Variants in PDCL2 observed in about 807,000 individuals in gnomAD.
PDCL2 encodes the protein phosducin like 2.
Under a neutral mutation model 30.3 loss-of-function variants are expected in PDCL2, and 23 were observed. The observed-to-expected ratio is 0.76, with a 90% CI of 0.55 to 1.08. The LOEUF (loss-of-function observed/expected upper bound fraction) is 1.08, where lower values mean the gene tolerates loss of function less well. Among genes scored for constraint, PDCL2 ranks in the 50% least tolerant of loss-of-function variants. The pLI is 0.00. For missense variants in PDCL2, 243 were observed against 282.3 expected (o/e 0.86, Z 1.00); for synonymous variants, 68 against 86.2 (o/e 0.79, Z 1.17).
At chr4:55,558,730 C>T (rs961399068) in intron 5 of PDCL2, among the ~76,000 whole-genome samples, 9 of 152,110 alleles carry the variant, frequency 5.9e-5, no homozygotes, top group East Asian at 1.9e-4. Context: ...AAAGAAAGCA[C>T]GAAACATGCA....
chr4:55,587,755 CATGTTGGCCAGGTTGGT>C (rs1160693330), intron 1 of PDCL2, among the ~76,000 whole-genome samples: 1 of 151,956 alleles, frequency 6.6e-6, no homozygotes. Flanking sequence ...TGGGTTTCAC[CATGTTGGCCAGGTTGGT>C]CTCAAACTCC....
At chr4:55,587,614 A>G (rs1304712261) in intron 1 of PDCL2, among the ~76,000 whole-genome samples, 2 of 150,614 alleles carry the variant, frequency 1.3e-5, no homozygotes, top group Non-Finnish European at 2.9e-5. Context: ...GATGGAGTGC[A>G]GTGGAGCAAT....
intron 1 of PDCL2, among the ~76,000 whole-genome samples, 185 bp downstream of exon 1, chr4:55,591,919 T>C (rs1339477455): frequency 6.6e-6 from 1 of 152,176 alleles, no homozygotes; most frequent in Non-Finnish European, 1.5e-5. Context: ...GCTGAAAAAA[T>C]GGCGTTCTCC....
chr4:55,579,954 T>G (rs559135331), intron 3 of PDCL2, among the ~76,000 whole-genome samples: 1 of 152,090 alleles, frequency 6.6e-6, no homozygotes, highest in Non-Finnish European at 1.5e-5. Flanking sequence ...TTCAAGCGAT[T>G]CTCCTGCCTC....
intron 1 of PDCL2, among the ~76,000 whole-genome samples, chr4:55,590,695 A>T (rs1022007258): frequency 2.0e-5 from 3 of 151,112 alleles, no homozygotes; most frequent in East Asian, 2.0e-4. Flanking sequence ...GGGTTTTGCC[A>T]TGTAGGCCAG....
chr4:55,586,993 T>C (rs757549992), intron 1 of PDCL2, among the ~76,000 whole-genome samples: 36 of 144,502 alleles, frequency 2.5e-4, no homozygotes, highest in Non-Finnish European at 4.6e-4. Context: ...AAGTTTGTCT[T>C]AGTCCAGTTT....
At chr4:55,565,574 A>G (rs1303548975) in intron 4 of PDCL2, among the ~76,000 whole-genome samples, 1 of 152,140 alleles carries the variant, frequency 6.6e-6, no homozygotes, top group Non-Finnish European at 1.5e-5. Flanking sequence ...CCATGATTAA[A>G]TTACCTCCCG....
chr4:55,591,716 T>C (rs1181704426), intron 1 of PDCL2, among the ~76,000 whole-genome samples: 1 of 152,192 alleles, frequency 6.6e-6, no homozygotes, highest in Non-Finnish European at 1.5e-5. Context: ...CATATGTGAC[T>C]AGTAGGTTTT....
At chr4:55,562,923 A>AC (rs550892539) in intron 4 of PDCL2, among the ~76,000 whole-genome samples, 10 of 127,546 alleles carry the variant, frequency 7.8e-5, no homozygotes, top group Admixed American at 6.6e-4. Context: ...AAAAAAAAAA[A>AC]AAAAACAGGA....
chr4:55,582,369 A>G lies in PDCL2; in HGVS notation c.7-132T>C, dbSNP rs986486191. On this transcript the variant is annotated intron_variant, in intron 1 of 5. Coordinates refer to ENST00000295645, the MANE Select transcript of PDCL2 (RefSeq NM_152401.3). ...CTCTACAGTTAATTGGTTTTGAAGAATAAAGCAAAGTGACCTACTTTTTCC... is the reference window on the plus strand; with the variant it reads ...CTCTACAGTTAATTGGTTTTGAAGAGTAAAGCAAAGTGACCTACTTTTTCC... The G allele has an allele frequency of 1.3e-5, 14 of 1,071,054 alleles. No homozygotes were observed. The African/African-American group carries it at 1.9e-4, about 15-fold the overall frequency. The allele number at this position is 1,071,054 out of a possible 1,614,324, so 66.3% of individuals were successfully genotyped here.
At chr4:55,566,862 C>G (rs963356322) in intron 4 of PDCL2, among the ~76,000 whole-genome samples, 17 of 152,034 alleles carry the variant, frequency 1.1e-4, no homozygotes, top group African/African-American at 4.1e-4. Flanking sequence ...TCAAAGCATA[C>G]AACAATTTGA....
At position 55,562,396 on chromosome 4, in the gene PDCL2, A is replaced by T; in HGVS notation, c.571+8T>A. On this transcript the variant is annotated splice_region_variant and intron_variant, in intron 5 of 5. Transcript: ENST00000295645. ...TATCATTTTTATAAACAAAATTTGT[A>T]ACATTACCTTCCAGCTTGAGATTTA... The T allele has an allele frequency of 7.2e-7, 1 of 1,386,354 alleles. No individual in the cohort carries two copies. Among genetic ancestry groups the T allele is most frequent in the South Asian group, 1.9e-5 (1 of 52,488 alleles). The allele number at this position is 1,386,354 out of a possible 1,614,324, so 85.9% of individuals were successfully genotyped here. A position where few individuals can be genotyped will look rare whatever the true frequency, so the allele number is the denominator to read the frequency against.
rs965675055 is a variant in PDCL2, at chr4:55,590,572, C to T, written c.6+1532G>A. Among the ~76,000 whole-genome samples the T allele has an allele frequency of 9.2e-5, 14 of 151,978 alleles. No homozygotes were observed. In the East Asian group the frequency reaches 1.4e-3, roughly 15 times the overall value. Reference sequence around the variant, plus strand: ...TGCACTCTCAGCTCACTGCATCCTCCGCCTCCTGGGTTCAAGCGATTCTCC... The same window carrying T: ...TGCACTCTCAGCTCACTGCATCCTCTGCCTCCTGGGTTCAAGCGATTCTCC... On this transcript the variant is annotated intron_variant, in intron 1 of 5. Coordinates refer to ENST00000295645, the MANE Select transcript of PDCL2 (RefSeq NM_152401.3).
At chr4:55,568,469 G>C (rs920825236) in intron 4 of PDCL2, among the ~76,000 whole-genome samples, 1 of 152,152 alleles carries the variant, frequency 6.6e-6, no homozygotes, top group Admixed American at 6.6e-5. Flanking sequence ...CATAATTCTT[G>C]ATTGACTCCT....
At chr4:55,578,158 T>C (rs1186166863) in intron 3 of PDCL2, among the ~76,000 whole-genome samples, 1 of 152,228 alleles carries the variant, frequency 6.6e-6, no homozygotes. Flanking sequence ...AAAAAGGTTA[T>C]AGCTCTTTTA....
intron 3 of PDCL2, among the ~76,000 whole-genome samples, chr4:55,577,776 C>T (rs994459769): frequency 1.3e-5 from 2 of 152,064 alleles, no homozygotes; most frequent in East Asian, 1.9e-4. Flanking sequence ...TTTAAGCATC[C>T]GTAAGATAGT....
intron 3 of PDCL2, among the ~76,000 whole-genome samples, chr4:55,572,969 A>G (rs920658428): frequency 2.6e-5 from 4 of 152,142 alleles, no homozygotes; most frequent in Non-Finnish European, 5.9e-5. Context: ...CGTGTTAGCC[A>G]GGATGGTCTC....
intron 3 of PDCL2, among the ~76,000 whole-genome samples, chr4:55,577,776 C>G (rs994459769): frequency 1.3e-5 from 2 of 152,064 alleles, no homozygotes; most frequent in African/African-American, 4.8e-5. Flanking sequence ...TTTAAGCATC[C>G]GTAAGATAGT....
intron 2 of PDCL2, among the ~76,000 whole-genome samples, chr4:55,581,310 A>C (rs996932032): frequency 6.6e-6 from 1 of 152,078 alleles, no homozygotes; most frequent in African/African-American, 2.4e-5. Flanking sequence ...AACAAACAAA[A>C]AAGAGTATCT....
Sources: gnomAD v4.1 joint callset for allele counts (sites outside exome capture counted in the v4.1 genomes callset) on GRCh38, gnomAD v4.1.1 for gene constraint, MANE v1.5 for transcripts, NCBI Gene and HGNC (gene_info 2026-07-23, HGNC 2026-07-21) for gene names.